EMILIN2: variants seen among roughly 807,000 people sequenced by gnomAD.
EMILIN2 encodes the protein EMILIN-2.
In EMILIN2, 71 loss-of-function variants were observed where a neutral mutation model predicts 87.1. The observed-to-expected ratio is 0.82, with a 90% CI of 0.67 to 0.99. The LOEUF (loss-of-function observed/expected upper bound fraction) is 0.99. Among genes scored for constraint, EMILIN2 ranks in the 50% least tolerant of loss-of-function variants. The probability of loss-of-function intolerance (pLI) is 0.00; values close to 1 mark genes in which losing one functional copy is unlikely to be tolerated. For synonymous variants in EMILIN2, 581 were observed against 563.4 expected, an observed-to-expected ratio of 1.03 and a Z score of -0.44; for missense variants, 1,407 against 1,371.8, an observed-to-expected ratio of 1.03 and a Z score of -0.40.
intron 7 of EMILIN2, among the ~76,000 whole-genome samples, chr18:2,911,200 A>T (rs563570679): frequency 6.6e-6 from 1 of 152,312 alleles, no homozygotes; most frequent in South Asian, 2.1e-4. Context: ...GGGGTCTTAT[A>T]CATTGGCATG....
At chr18:2,908,080 CCTT>C (rs1299963157) in intron 5 of EMILIN2, among the ~76,000 whole-genome samples, 5 of 152,144 alleles carry the variant, frequency 3.3e-5, no homozygotes, top group East Asian at 3.8e-4. Flanking sequence ...TTTTTCTATT[CCTT>C]CTTAGACACC....
intron 2 of EMILIN2, among the ~76,000 whole-genome samples, chr18:2,850,093 AT>A (rs71366611): frequency 0.059 from 7,189 of 122,488 alleles, 265 homozygotes; most frequent in African/African-American, 0.14. Flanking sequence ...TGCCCAGCTA[AT>A]TTTTTTTTTT....
Position 2,913,361 on chromosome 18 carries a change from C to T in EMILIN2, c.3119C>T (p.Thr1040Ile). 1 of 1,610,962 alleles carries T rather than the reference C, an allele frequency of 6.2e-7. No homozygotes were observed. Among genetic ancestry groups the T allele is most frequent in the Non-Finnish European group, 8.5e-7 (1 of 1,178,500 alleles). ...AHTDFDEMYS[T>I]FSGVFLYPFL... Reference sequence around the variant, plus strand: ...ACAGACTTTGATGAAATGTACTCCACATTTAGTGGGGTTTTCTTATATCCT... The same window carrying T: ...ACAGACTTTGATGAAATGTACTCCATATTTAGTGGGGTTTTCTTATATCCT... The change falls in exon 8 of 8, where the codon ACA becomes ATA. Residue 1040 changes from threonine (T) to isoleucine (I), a missense_variant. Physicochemically the swap from Thr to Ile is moderately conservative, Grantham distance 89 (BLOSUM62 -1). Transcript: ENST00000254528.
rs1404623719 is a variant in EMILIN2 at position 2,913,082 on chromosome 18, C to T, written c.2840C>T (p.Pro947Leu). The T allele has an allele frequency of 6.2e-7, 1 of 1,610,426 alleles. No homozygotes were observed. Among genetic ancestry groups the T allele is most frequent in the East Asian group, 2.2e-5 (1 of 44,876 alleles). Residue 947 changes from proline (P) to leucine (L), a missense_variant, in exon 8 of 8, where the codon CCT becomes CTT. Pro to Leu is a moderately conservative substitution (Grantham distance 98). Coordinates refer to ENST00000254528, the MANE Select transcript of EMILIN2 (RefSeq NM_032048.3). ...CTCCCCGCAGGGGTCTTCACGGCTC[C>T]TTATGATGGGCGCTACCTGATCACG... ...YNPSTGVFTA[P>L]YDGRYLITAT... is the part of the protein sequence containing the mutation.
intron 7 of EMILIN2, among the ~76,000 whole-genome samples, chr18:2,910,284 C>T (rs1156922628): frequency 1.3e-5 from 2 of 152,176 alleles, no homozygotes; most frequent in East Asian, 1.9e-4. Flanking sequence ...AGAGGGACTG[C>T]GCTCCCCAGA....
chr18:2,904,676 G>A (rs2076901831), intron 4 of EMILIN2, among the ~76,000 whole-genome samples: 1 of 152,206 alleles, frequency 6.6e-6, no homozygotes. Flanking sequence ...GGTAGGATGT[G>A]TTTATTTTCT....
chr18:2,858,551 ATATATATATATATATATATGTG>A (rs1485158083), intron 2 of EMILIN2, among the ~76,000 whole-genome samples: 1 of 48,458 alleles, frequency 2.1e-5, no homozygotes, highest in Non-Finnish European at 3.4e-5. Flanking sequence ...ATATATATAT[ATATATATATATATATATATGTG>A]TGTGTGTGTG....
chr18:2,887,531 G>A (rs1249242466), intron 3 of EMILIN2, among the ~76,000 whole-genome samples: 4 of 152,090 alleles, frequency 2.6e-5, no homozygotes, highest in South Asian at 4.2e-4. Flanking sequence ...GAAGAGCCTG[G>A]CACCTTCTCC....
rs2076856363 is a variant in EMILIN2, at chr18:2,894,890, A to C, written c.2359+2404A>C. Among the ~76,000 whole-genome samples, 1 of 152,192 alleles carries C rather than the reference A, an allele frequency of 6.6e-6. No individual in the cohort carries two copies. Among genetic ancestry groups the C allele is most frequent in the African/African-American group, 2.4e-5 (1 of 41,454 alleles). On this transcript the variant is annotated intron_variant, in intron 4 of 7. Coordinates refer to ENST00000254528, the MANE Select transcript of EMILIN2 (RefSeq NM_032048.3). This position sits in a 1 kb window ranked among gnomAD's most constrained non-coding sequence, Gnocchi z 5.0. Reference sequence around the variant, plus strand: ...ACATGTCAATCAGTTAAAAGTCAACAGAATGTTTATTGAGTGCCTACGATG... The same window carrying C: ...ACATGTCAATCAGTTAAAAGTCAACCGAATGTTTATTGAGTGCCTACGATG...
chr18:2,912,638 C>T (rs2076946792), intron 7 of EMILIN2, among the ~76,000 whole-genome samples: 1 of 152,202 alleles, frequency 6.6e-6, no homozygotes, highest in East Asian at 1.9e-4. Flanking sequence ...TGGCCATTGC[C>T]CAGCATGGGG....
In EMILIN2 at chr18:2,890,281, A is replaced by T. The variant is rs76205980; in HGVS notation, c.434-280A>T. Reference sequence around the variant, plus strand: ...GTACATATTATTTTAACAGCTCTAGAAGCTGTTCTTCTTTATAGATGAGAG... The same window carrying T: ...GTACATATTATTTTAACAGCTCTAGTAGCTGTTCTTCTTTATAGATGAGAG... On this transcript the variant is annotated intron_variant, in intron 3 of 7. Coordinates refer to ENST00000254528, the MANE Select transcript of EMILIN2 (RefSeq NM_032048.3). This position sits in a 1 kb window ranked among gnomAD's most constrained non-coding sequence, Gnocchi z 4.7. 1.3e-5 allele frequency among the ~76,000 whole-genome samples: 2 copies of T among 152,202 alleles called. No individual in the cohort carries two copies. Among genetic ancestry groups the T allele is most frequent in the East Asian group, 3.8e-4 (2 of 5,200 alleles).
chr18:2,891,883 C>G lies in EMILIN2; in HGVS notation c.1756C>G (p.Leu586Val). ...VRDSLHLLKS[L>V]NDTMHRKFQE... ...CGACAGCCTGCACCTTTTGAAATCTCTCAACGACACGATGCACAGGAAGTT... is the reference window on the plus strand; with the variant it reads ...CGACAGCCTGCACCTTTTGAAATCTGTCAACGACACGATGCACAGGAAGTT... Residue 586 changes from leucine to valine, a missense_variant, in exon 4 of 8, where the codon CTC becomes GTC. Physicochemically the swap from Leu to Val is conservative, Grantham distance 32. Coordinates refer to ENST00000254528, the MANE Select transcript of EMILIN2 (RefSeq NM_032048.3). This position sits in a 1 kb window ranked among gnomAD's most constrained non-coding sequence, Gnocchi z 4.6. 2 of 1,614,256 alleles carry G rather than the reference C, an allele frequency of 1.2e-6. No individual in the cohort carries two copies. Among genetic ancestry groups the G allele is most frequent in the Non-Finnish European group, 1.7e-6 (2 of 1,180,050 alleles).
In EMILIN2 at chr18:2,909,750, A is replaced by G. The variant is rs145530433; in HGVS notation, c.2755A>G (p.Ser919Gly). 6.8e-6 allele frequency: 11 copies of G among 1,613,284 alleles called. No homozygotes were observed. In the African/African-American group the frequency reaches 1.3e-4, roughly 20 times the overall value. ...GGGGCTCACCCAGAAGCCTTTCCCC[A>G]GTGATGGGGGCGTTGTCCTCTTTAA... ...SAGLTQKPFP[S>G]DGGVVLFNKV... Residue 919 changes from serine to glycine, a missense_variant, in exon 7 of 8, where the codon AGT (serine) becomes GGT (glycine). Coordinates refer to ENST00000254528, the MANE Select transcript of EMILIN2 (RefSeq NM_032048.3).
chr18:2,858,577 G>GTA (rs1389867922), intron 2 of EMILIN2, among the ~76,000 whole-genome samples: 40 of 64,922 alleles, frequency 6.2e-4, no homozygotes, highest in Non-Finnish European at 1.0e-3. Flanking sequence ...ATATGTGTGT[G>GTA]TGTGTGTATA....
chr18:2,903,125 G>A (rs1483172728), intron 4 of EMILIN2, among the ~76,000 whole-genome samples: 3 of 151,842 alleles, frequency 2.0e-5, no homozygotes, highest in African/African-American at 7.3e-5. Flanking sequence ...AGGAAAGAGA[G>A]GTTGAGAAGA....
At chr18:2,874,479 C>T (rs1471784135) in intron 2 of EMILIN2, among the ~76,000 whole-genome samples, 2 of 152,124 alleles carry the variant, frequency 1.3e-5, no homozygotes, top group Admixed American at 6.5e-5. Flanking sequence ...CTCTTTATCT[C>T]GCTAAGCAGC....
intron 2 of EMILIN2, among the ~76,000 whole-genome samples, chr18:2,854,984 C>A (rs1321402462): frequency 6.6e-6 from 1 of 152,166 alleles, no homozygotes; most frequent in African/African-American, 2.4e-5. Flanking sequence ...ACAAAAGTTT[C>A]GCCATCAATT....
intron 2 of EMILIN2, among the ~76,000 whole-genome samples, chr18:2,851,129 G>T (rs1424038546): frequency 1.3e-5 from 2 of 151,864 alleles, no homozygotes; most frequent in Non-Finnish European, 2.9e-5. Context: ...AGCCAAGCAG[G>T]TAAAGAATTA....
At chr18:2,873,579 C>T (rs570755962) in intron 2 of EMILIN2, among the ~76,000 whole-genome samples, 2,422 of 149,832 alleles carry the variant, frequency 0.016, 71 homozygotes, top group African/African-American at 0.056. Context: ...TGGTGGCGGG[C>T]GCCTGTAGTC....
Sources: allele counts gnomAD v4.1 joint callset (sites outside exome capture counted in the v4.1 genomes callset), GRCh38; gene constraint gnomAD v4.1.1; non-coding constraint Gnocchi (gnomAD v3.1); transcripts MANE v1.5; gene names NCBI Gene and HGNC (gene_info 2026-07-23, HGNC 2026-07-21).